CHCHD6: variants seen among roughly 807,000 people sequenced by gnomAD.
The protein encoded by CHCHD6 is MICOS complex subunit MIC25.
In CHCHD6, 28 loss-of-function variants were observed where a neutral mutation model predicts 32.3. The ratio of observed to expected loss-of-function variants is 0.87; its 90% confidence interval spans 0.64 to 1.19. The LOEUF (loss-of-function observed/expected upper bound fraction) is 1.19. Among genes scored for constraint, CHCHD6 ranks in the 50% most tolerant of loss-of-function variants. The probability of loss-of-function intolerance (pLI) is 0.00; values close to 1 mark genes in which losing one functional copy is unlikely to be tolerated. For missense variants in CHCHD6, 333 were observed against 307.0 expected (o/e 1.08, Z -0.63); for synonymous variants, 122 against 117.5 (o/e 1.04, Z -0.25).
chr3:126,713,226 C>G (rs1934843423), intron 1 of CHCHD6, among the ~76,000 whole-genome samples: 2 of 152,144 alleles, frequency 1.3e-5, no homozygotes, highest in Admixed American at 6.5e-5. Context: ...TCATTAAATG[C>G]AGACAGTTAA....
intron 4 of CHCHD6, chr3:126,766,356 G>A (rs891051155): frequency 1.3e-5 from 6 of 444,752 alleles, no homozygotes; most frequent in Admixed American, 6.8e-5. Context: ...TAAATACCTC[G>A]TTTGACTTCC....
chr3:126,887,429 A>G (rs746668924), intron 5 of CHCHD6, among the ~76,000 whole-genome samples: 2 of 152,140 alleles, frequency 1.3e-5, no homozygotes, highest in African/African-American at 2.4e-5. Flanking sequence ...CATTGTTTCT[A>G]TCAGCCAATG....
chr3:126,751,288 G>C (rs1576371804), intron 4 of CHCHD6, among the ~76,000 whole-genome samples: 1 of 152,052 alleles, frequency 6.6e-6, no homozygotes, highest in African/African-American at 2.4e-5. Context: ...GATTGCTTGA[G>C]GCCAGAAGTT....
At chr3:126,776,789 T>C (rs1937668938) in intron 4 of CHCHD6, among the ~76,000 whole-genome samples, 1 of 152,216 alleles carries the variant, frequency 6.6e-6, no homozygotes, top group South Asian at 2.1e-4. Flanking sequence ...ACATCATTTT[T>C]TTTCTTAGTG....
intron 4 of CHCHD6, among the ~76,000 whole-genome samples, chr3:126,788,801 T>A (rs1437152092): frequency 6.6e-6 from 1 of 152,058 alleles, no homozygotes; most frequent in Non-Finnish European, 1.5e-5. Context: ...TTTTGAAGAG[T>A]TTTTTGTGTC....
At chr3:126,825,624 G>A (rs894576990) in intron 4 of CHCHD6, among the ~76,000 whole-genome samples, 4 of 152,144 alleles carry the variant, frequency 2.6e-5, no homozygotes, top group Admixed American at 2.6e-4. Context: ...GTGCCAAAAT[G>A]ATTCTTTTGT....
chr3:126,781,202 G>T (rs1937922565), intron 4 of CHCHD6, among the ~76,000 whole-genome samples: 1 of 152,188 alleles, frequency 6.6e-6, no homozygotes, highest in South Asian at 2.1e-4. Flanking sequence ...AGGAGCTTTA[G>T]AGGGGAGTGG....
chr3:126,722,869 G>A (rs976053179), intron 1 of CHCHD6, among the ~76,000 whole-genome samples: 14 of 152,236 alleles, frequency 9.2e-5, no homozygotes, highest in East Asian at 7.7e-4. Context: ...CTCTAAGAAC[G>A]TATTGCCAAA....
intron 4 of CHCHD6, among the ~76,000 whole-genome samples, chr3:126,809,823 T>C (rs979513087): frequency 2.6e-5 from 4 of 152,220 alleles, no homozygotes; most frequent in African/African-American, 9.6e-5. Flanking sequence ...AGTTTCACCA[T>C]AAATTTGATG....
At chr3:126,781,661 C>T (rs564598941) in intron 4 of CHCHD6, among the ~76,000 whole-genome samples, 3 of 152,340 alleles carry the variant, frequency 2.0e-5, no homozygotes, top group African/African-American at 7.2e-5. Flanking sequence ...TGCTGGCAGC[C>T]CTGCTTTCAG....
At chr3:126,912,990 T>C (rs1388649084) in intron 5 of CHCHD6, among the ~76,000 whole-genome samples, 1 of 152,056 alleles carries the variant, frequency 6.6e-6, no homozygotes, top group African/African-American at 2.4e-5. Flanking sequence ...ACTTCGTGTC[T>C]GCCCAGCTTC....
intron 4 of CHCHD6, among the ~76,000 whole-genome samples, chr3:126,757,961 G>C (rs1405691612): frequency 6.6e-6 from 1 of 152,234 alleles, no homozygotes; most frequent in Non-Finnish European, 1.5e-5. Flanking sequence ...TGCCCTACCA[G>C]ATTATAAACT....
intron 6 of CHCHD6, among the ~76,000 whole-genome samples, chr3:126,946,651 G>A (rs2078643826): frequency 6.6e-6 from 1 of 152,186 alleles, no homozygotes; most frequent in African/African-American, 2.4e-5. Context: ...CCCAGGCTGA[G>A]TGGCACATCG....
At chr3:126,746,844 G>A (rs1936524796) in intron 4 of CHCHD6, among the ~76,000 whole-genome samples, 1 of 152,134 alleles carries the variant, frequency 6.6e-6, no homozygotes, top group South Asian at 2.1e-4. Context: ...TTGATTGTTT[G>A]CAGTGCTTCC....
At chr3:126,735,533 G>C (rs993789056) in intron 4 of CHCHD6, among the ~76,000 whole-genome samples, 1 of 152,204 alleles carries the variant, frequency 6.6e-6, no homozygotes, top group African/African-American at 2.4e-5. Flanking sequence ...GTTTCCTGCT[G>C]TGTGTAGACT....
chr3:126,823,506 T>C (rs1166824126), intron 4 of CHCHD6, among the ~76,000 whole-genome samples: 1 of 152,214 alleles, frequency 6.6e-6, no homozygotes, highest in African/African-American at 2.4e-5. Context: ...AAAATACTAT[T>C]GCTTTTAATT....
At chr3:126,870,382 C>T (rs1218840120) in intron 5 of CHCHD6, among the ~76,000 whole-genome samples, 1 of 152,192 alleles carries the variant, frequency 6.6e-6, no homozygotes. Flanking sequence ...ACCTGCAGCC[C>T]CCTGTATGTG....
intron 5 of CHCHD6, among the ~76,000 whole-genome samples, chr3:126,882,553 T>C (rs2077624982): frequency 6.6e-6 from 1 of 152,254 alleles, no homozygotes; most frequent in Non-Finnish European, 1.5e-5. Context: ...ATAATAATCA[T>C]GATAGCTGCA....
At chr3:126,959,808 G>T (rs1390252705) in intron 7 of CHCHD6, among the ~76,000 whole-genome samples, 1 of 152,220 alleles carries the variant, frequency 6.6e-6, no homozygotes, top group Non-Finnish European at 1.5e-5. Flanking sequence ...TGAAAAATCA[G>T]AGAACAGAGG....
Sources: allele counts gnomAD v4.1 joint callset (sites outside exome capture counted in the v4.1 genomes callset), GRCh38; gene constraint gnomAD v4.1.1; transcripts MANE v1.5; gene names NCBI Gene and HGNC (gene_info 2026-07-23, HGNC 2026-07-21).